The following KNOP1 variants were observed in gnomAD, a reference collection of about 807,000 sequenced individuals.
The protein encoded by KNOP1 is lysine-rich nucleolar protein 1.
A neutral mutation model predicts 30.6 loss-of-function variants in KNOP1; 20 were observed. That is an observed-to-expected ratio of 0.65 (90% confidence interval 0.46 to 0.95). KNOP1 has a LOEUF of 0.95. KNOP1 is among the 40% of genes least tolerant of loss of function. The pLI, the probability that KNOP1 is intolerant of heterozygous loss-of-function variation, is 0.00. For synonymous variants in KNOP1, 204 were observed against 210.0 expected (o/e 0.97, Z 0.25); for missense variants, 540 against 562.0 (o/e 0.96, Z 0.40).
chr16:19,715,082 G>A (rs1976955608), intron 1 of KNOP1, 45 bp from the exon 2 acceptor site: 2 of 1,404,880 alleles, frequency 1.4e-6, no homozygotes, highest in Non-Finnish European at 1.9e-6. Context: ...AAGCCATCCT[G>A]TGTTCAATTC....
chr16:19,710,895 G>A (rs1976679035), intron 3 of KNOP1, among the ~76,000 whole-genome samples: 1 of 131,994 alleles, frequency 7.6e-6, no homozygotes, highest in Non-Finnish European at 1.5e-5. Flanking sequence ...CTGGGGGACA[G>A]AGTGAGACTC....
intron 2 of KNOP1, among the ~76,000 whole-genome samples, chr16:19,712,492 C>G (rs1202281136): frequency 6.6e-6 from 1 of 152,178 alleles, no homozygotes; most frequent in Non-Finnish European, 1.5e-5. Flanking sequence ...TAGATGGTTT[C>G]TGAGAAGGGA....
At chr16:19,718,079 A>G in intron 1 of KNOP1, 79 bp downstream of exon 1, 1 of 1,425,464 alleles carries the variant, frequency 7.0e-7, no homozygotes, top group Non-Finnish European at 9.1e-7. Context: ...GCATTTCCCC[A>G]TCTTCCCCGC....
Position 19,705,743 on chromosome 16 carries a change from A to G in KNOP1, c.*1167T>C, listed in dbSNP as rs1976329005. On this transcript the variant is annotated 3_prime_UTR_variant, in exon 5 of 5. Transcript: ENST00000219837. ...CCCATCTCTACAAAAAATTTTAAAC[A>G]CTAGCTGGTTGTTGTGGTGCACACC... 1 of 155,850 alleles carries G rather than the reference A, an allele frequency of 6.4e-6. No homozygotes were observed. Among genetic ancestry groups the G allele is most frequent in the Admixed American group, 6.4e-5 (1 of 15,610 alleles). The allele number at this position is 155,850 out of a possible 1,614,324, so 9.7% of individuals were successfully genotyped here.
At chr16:19,717,245 GGTTTA>G in intron 1 of KNOP1, 1 of 905,490 alleles carries the variant, frequency 1.1e-6, no homozygotes, top group Admixed American at 6.2e-5. Context: ...ATCCACTGGG[GGTTTA>G]GGAACGTACT....
At chr16:19,718,069 G>A in intron 1 of KNOP1, 89 bp downstream of exon 1, 3 of 1,420,930 alleles carry the variant, frequency 2.1e-6, no homozygotes, top group Non-Finnish European at 2.7e-6. Flanking sequence ...TGGGTGGACC[G>A]CATTTCCCCA....
At chr16:19,717,474 T>G (rs950859172) in intron 1 of KNOP1, 2 of 983,690 alleles carry the variant, frequency 2.0e-6, no homozygotes, top group Admixed American at 6.2e-5. Flanking sequence ...AATAGGGGAG[T>G]GGCCAAGAGA....
At position 19,714,183 on chromosome 16, in the gene KNOP1, C is replaced by A. The variant is rs998072845; in HGVS notation, c.853G>T (p.Ala285Ser). ...TTCTTCTTTTTCTTCCTTTTCAGAG[C>A]TGGCTCCTCGATGACTGGCTGCTCT... is the stretch of plus-strand genomic sequence containing the variant. The part of the protein sequence containing the change: ...KVEQPVIEEP[A>S]LKRKKKKKRK... Residue 285 changes from alanine to serine, a missense_variant, in exon 2 of 5, where the codon GCT (alanine) becomes TCT (serine). Physicochemically the swap from Ala to Ser is moderately conservative, Grantham distance 99 (BLOSUM62 1). Coordinates refer to ENST00000219837, the MANE Select transcript of KNOP1 (RefSeq NM_001012991.3). 2 of 1,613,996 alleles carry A rather than the reference C, an allele frequency of 1.2e-6. No homozygotes were observed. Among genetic ancestry groups the A allele is most frequent in the African/African-American group, 1.3e-5 (1 of 74,908 alleles).
Position 19,714,581 on chromosome 16 carries a change from TTG to T in KNOP1, c.453_454del (p.His151GlnfsTer22). ...GTCCTGGGCCCCCTTTTTTTCCTTC[TTG>T]TGTTTTTTGAGCTTCTTGCCAACTC... On this transcript the variant is annotated frameshift_variant, in exon 2 of 5. Transcript: ENST00000219837. LOFTEE classifies it high-confidence loss of function. 1 of 1,614,114 alleles carries T rather than the reference TTG, an allele frequency of 6.2e-7. No homozygotes were observed. Among genetic ancestry groups the T allele is most frequent in the Non-Finnish European group, 8.5e-7 (1 of 1,180,022 alleles).
rs1451586619 is a variant in KNOP1, at chr16:19,707,129, C to G, written c.1158G>C (p.Leu386=). The change falls in exon 5 of 5, where the codon CTG becomes CTC. Residue 386 remains leucine (L), a synonymous_variant. Coordinates refer to ENST00000219837, the MANE Select transcript of KNOP1 (RefSeq NM_001012991.3). Reference sequence around the variant, plus strand: ...TGGCGGGGCGGCTGAACGAAGGGGACAGGTTTTTGAAGCCACCCATAAGTC... The same window carrying G: ...TGGCGGGGCGGCTGAACGAAGGGGAGAGGTTTTTGAAGCCACCCATAAGTC... ...FLRLMGGFKN[L]SPSFSRPAST... 2 of 1,614,000 alleles carry G rather than the reference C, an allele frequency of 1.2e-6. No individual in the cohort carries two copies.
At chr16:19,716,407 C>A (rs1024697665) in intron 1 of KNOP1, 5 of 152,278 alleles carry the variant, frequency 3.3e-5, no homozygotes, top group African/African-American at 1.2e-4. Flanking sequence ...TGGAACCTGT[C>A]CTACCAGTTG....
At chr16:19,717,904 T>TCCAAGGCTCCCATGGGC in intron 1 of KNOP1, 1 of 1,087,964 alleles carries the variant, frequency 9.2e-7, no homozygotes, top group South Asian at 2.6e-5. Context: ...GATCCGTACC[T>TCCAAGGCTCCCATGGGC]CCAAGGCTCC....
At chr16:19,715,073 A>C in intron 1 of KNOP1, 36 bp from the exon 2 acceptor site, 4 of 1,457,326 alleles carry the variant, frequency 2.7e-6, no homozygotes, top group Non-Finnish European at 3.7e-6. Context: ...TCCCATACCA[A>C]GCCATCCTGT....
At chr16:19,712,855 G>A (rs1976791339) in intron 2 of KNOP1, among the ~76,000 whole-genome samples, 1 of 152,178 alleles carries the variant, frequency 6.6e-6, no homozygotes, top group Non-Finnish European at 1.5e-5. Flanking sequence ...GGCCCTGGAA[G>A]GGGCTCAGCT....
At chr16:19,710,225 T>C (rs890877648) in intron 4 of KNOP1, 11 of 501,496 alleles carry the variant, frequency 2.2e-5, no homozygotes, top group African/African-American at 2.1e-4. Context: ...GTGTCCTCAG[T>C]GATTAATCCT....
Position 19,714,778 on chromosome 16 carries a change from G to T in KNOP1, c.258C>A (p.Thr86=), listed in dbSNP as rs1343319875. ...TCTCTGTCCGTCTAGCAGGCAGCGT[G>T]GTCTCAGGTTCTACATGCTCCTCGC... ...TLCEEHVEPE[T]TLPARRTEKS... is the part of the protein sequence containing the mutation. The change falls in exon 2 of 5, where the codon ACC becomes ACA. Residue 86 remains threonine (T), a synonymous_variant. Coordinates refer to ENST00000219837, the MANE Select transcript of KNOP1 (RefSeq NM_001012991.3). 1.9e-6 allele frequency: 3 copies of T among 1,614,062 alleles called. No individual in the cohort carries two copies. The highest frequency in any genetic ancestry group is 2.5e-6 in the Non-Finnish European group (3 of 1,180,052).
intron 2 of KNOP1, among the ~76,000 whole-genome samples, chr16:19,712,340 C>T (rs1168631229): frequency 6.6e-6 from 1 of 152,216 alleles, no homozygotes; most frequent in Non-Finnish European, 1.5e-5. Context: ...CTCCACTCCC[C>T]TCCCCCTCTA....
chr16:19,710,374 C>G, intron 4 of KNOP1, 135 bp downstream of exon 4: 1 of 841,352 alleles, frequency 1.2e-6, no homozygotes, highest in Non-Finnish European at 2.0e-6. Flanking sequence ...TGGAGGGAGC[C>G]TGCTGCAGGC....
intron 4 of KNOP1, 51 bp from the exon 5 acceptor site, chr16:19,707,272 C>T: frequency 5.3e-6 from 8 of 1,519,198 alleles, no homozygotes; most frequent in Non-Finnish European, 7.2e-6. Flanking sequence ...AAAGCCCTTT[C>T]CTTCCCTTGA....
Sources: gnomAD v4.1 joint callset for allele counts (sites outside exome capture counted in the v4.1 genomes callset) on GRCh38, gnomAD v4.1.1 for gene constraint, MANE v1.5 for transcripts, NCBI Gene and HGNC (gene_info 2026-07-23, HGNC 2026-07-21) for gene names.